Variants in ZBTB20 observed in about 807,000 individuals in gnomAD.
ZBTB20 encodes the protein zinc finger and BTB domain containing 20, also known as zinc finger and BTB domain-containing protein 20.
Under a neutral mutation model 56.9 loss-of-function variants are expected in ZBTB20, and 9 were observed. The observed-to-expected ratio is 0.16, with a 90% CI of 0.10 to 0.28. The LOEUF is 0.28. Ranked by LOEUF, ZBTB20 falls within the 10% of genes least tolerant of loss-of-function variation. The pLI, the probability that ZBTB20 is intolerant of heterozygous loss-of-function variation, is 1.00. For synonymous variants in ZBTB20, 417 were observed against 420.7 expected, an observed-to-expected ratio of 0.99 and a Z score of 0.11; for missense variants, 655 against 1,003.0, an observed-to-expected ratio of 0.65 and a Z score of 4.69.
chr3:114,990,879 T>C (rs1305120853), intron 2 of ZBTB20, among the ~76,000 whole-genome samples: 1 of 152,232 alleles, frequency 6.6e-6, no homozygotes, highest in Non-Finnish European at 1.5e-5. Context: ...CTAGATTTTC[T>C]AGTTTATTTG....
intron 6 of ZBTB20, among the ~76,000 whole-genome samples, chr3:114,675,758 T>C (rs1018214194): frequency 6.6e-6 from 1 of 152,062 alleles, no homozygotes; most frequent in Non-Finnish European, 1.5e-5. Context: ...AGTGTTCTAA[T>C]GATCCACACC....
At chr3:115,023,856 T>C (rs958336886) in intron 2 of ZBTB20, among the ~76,000 whole-genome samples, 12 of 151,074 alleles carry the variant, frequency 7.9e-5, no homozygotes, top group African/African-American at 2.9e-4. Context: ...CTTCCAAGCA[T>C]AACTAGTTCA....
At chr3:114,748,352 T>TTTTCTCTCTCTCTCTC (rs1553807326) in intron 5 of ZBTB20, among the ~76,000 whole-genome samples, 1 of 48,578 alleles carries the variant, frequency 2.1e-5, no homozygotes, top group Non-Finnish European at 4.7e-5. Flanking sequence ...TTTCTTTCTT[T>TTTTCTCTCTCTCTCTC]TCTCTCTCTC....
At chr3:114,812,647 G>A (rs990016459) in intron 4 of ZBTB20, among the ~76,000 whole-genome samples, 1 of 152,214 alleles carries the variant, frequency 6.6e-6, no homozygotes, top group Non-Finnish European at 1.5e-5. Context: ...AGTGGATCCC[G>A]CACCCGGGCT....
intron 4 of ZBTB20, among the ~76,000 whole-genome samples, chr3:114,885,038 G>A (rs1342663100): frequency 2.0e-5 from 3 of 152,254 alleles, no homozygotes; most frequent in African/African-American, 7.2e-5. Context: ...AAATTTATAG[G>A]ATATGGCAAA....
chr3:114,505,683 T>A (rs936222271), intron 6 of ZBTB20, among the ~76,000 whole-genome samples: 3 of 152,160 alleles, frequency 2.0e-5, no homozygotes, highest in African/African-American at 7.2e-5. Context: ...GTTAATTAAT[T>A]CTTATGTGGG....
At chr3:114,692,107 T>TGGCTCCTTTTGCAAGTTTGCAAA (rs2108317855) in intron 6 of ZBTB20, among the ~76,000 whole-genome samples, 1 of 152,296 alleles carries the variant, frequency 6.6e-6, no homozygotes, top group African/African-American at 2.4e-5. Flanking sequence ...GGGAAGAAAC[T>TGGCTCCTTTTGCAAGTTTGCAAA]GGCTTGTTTG....
intron 6 of ZBTB20, among the ~76,000 whole-genome samples, chr3:114,576,902 G>A (rs1056423884): frequency 2.6e-5 from 4 of 151,748 alleles, no homozygotes; most frequent in Non-Finnish European, 4.4e-5. Context: ...TTTATAAAAC[G>A]AATATTAGTT....
chr3:114,579,039 T>C (rs534814109), intron 6 of ZBTB20, among the ~76,000 whole-genome samples: 1 of 151,936 alleles, frequency 6.6e-6, no homozygotes, highest in East Asian at 1.9e-4. Context: ...TTTTTTATAC[T>C]AAGAAGAAGG....
intron 5 of ZBTB20, among the ~76,000 whole-genome samples, chr3:114,748,684 G>A (rs2067311617): frequency 6.6e-6 from 1 of 152,098 alleles, no homozygotes; most frequent in Non-Finnish European, 1.5e-5. Context: ...AAGATTACTG[G>A]TTTGAAGGCC....
At chr3:114,899,610 A>C (rs1398104228) in intron 4 of ZBTB20, among the ~76,000 whole-genome samples, 1 of 152,198 alleles carries the variant, frequency 6.6e-6, no homozygotes, top group Non-Finnish European at 1.5e-5. Context: ...GAATAAACCA[A>C]TGTAACAGTT....
intron 3 of ZBTB20, among the ~76,000 whole-genome samples, chr3:114,908,705 C>T (rs1184112032): frequency 1.3e-5 from 2 of 151,774 alleles, no homozygotes; most frequent in African/African-American, 4.8e-5. Context: ...TCTTAGGGAA[C>T]TAATCTGAGG....
intron 5 of ZBTB20, among the ~76,000 whole-genome samples, chr3:114,740,206 T>C (rs1316082051): frequency 5.3e-5 from 8 of 152,244 alleles, no homozygotes; most frequent in African/African-American, 1.9e-4. Context: ...AAAAAGTTGC[T>C]AATAGCCATG....
Position 114,707,723 on chromosome 3 carries a change from T to C in ZBTB20, c.-342-14148A>G, listed in dbSNP as rs986831740. Among the ~76,000 whole-genome samples the C allele has an allele frequency of 1.2e-4, 19 of 152,290 alleles. 1 individual carries two copies. The highest frequency in any genetic ancestry group is 4.6e-4 in the African/African-American group (19 of 41,564). The stretch of plus-strand genomic sequence containing the variant: ...TTTGCAGTCTACAACTTATCCCTAT[T>C]TGCCTGGGCAGGAATTTGAGTTCTC... On this transcript the variant is annotated intron_variant, in intron 5 of 11. Coordinates refer to ENST00000675478, the MANE Select transcript of ZBTB20 (RefSeq NM_001348800.3).
intron 4 of ZBTB20, among the ~76,000 whole-genome samples, chr3:114,899,862 G>T (rs2075037759): frequency 1.3e-5 from 2 of 152,000 alleles, no homozygotes; most frequent in South Asian, 4.2e-4. Context: ...TAGTGCTTGA[G>T]ACAGTGGAGC....
intron 5 of ZBTB20, among the ~76,000 whole-genome samples, chr3:114,777,067 C>T (rs2069662170): frequency 6.6e-6 from 1 of 152,080 alleles, no homozygotes; most frequent in African/African-American, 2.4e-5. Context: ...CAAATATAAA[C>T]TATATTTGGC....
At chr3:115,027,853 AAATT>A (rs2108330234) in intron 2 of ZBTB20, among the ~76,000 whole-genome samples, 1 of 150,918 alleles carries the variant, frequency 6.6e-6, no homozygotes, top group Non-Finnish European at 1.5e-5. Flanking sequence ...ATAAATTTAA[AAATT>A]AATTAAGAAA....
At chr3:115,085,426 T>C (rs1232015247) in intron 1 of ZBTB20, among the ~76,000 whole-genome samples, 4 of 151,940 alleles carry the variant, frequency 2.6e-5, no homozygotes, top group Non-Finnish European at 5.9e-5. Context: ...CATTAACTCT[T>C]TCAGGCCACC....
chr3:114,354,587 G>GT (rs10663657), intron 10 of ZBTB20, among the ~76,000 whole-genome samples: 107,891 of 130,010 alleles, frequency 0.83, 45,874 homozygotes, highest in East Asian at 0.96. Flanking sequence ...TGTTTTGTTT[G>GT]TTTTTTTTTT....
Sources: gnomAD v4.1 joint callset for allele counts (sites outside exome capture counted in the v4.1 genomes callset) on GRCh38, gnomAD v4.1.1 for gene constraint, MANE v1.5 for transcripts, NCBI Gene and HGNC (gene_info 2026-07-23, HGNC 2026-07-21) for gene names.